Variants in ZNF385D observed in about 807,000 individuals in gnomAD.
ZNF385D encodes zinc finger protein 385D, also known as zinc finger protein 659.
In ZNF385D, 15 loss-of-function variants were observed where a neutral mutation model predicts 35.8. The ratio of observed to expected loss-of-function variants is 0.42; its 90% confidence interval spans 0.28 to 0.64. The LOEUF (loss-of-function observed/expected upper bound fraction) is 0.64. Ranked by LOEUF, ZNF385D falls within the 30% of genes least tolerant of loss-of-function variation. ZNF385D has a pLI of 0.23. For missense variants in ZNF385D, 474 were observed against 494.6 expected, an observed-to-expected ratio of 0.96 and a Z score of 0.39; for synonymous variants, 212 against 186.8, an observed-to-expected ratio of 1.13 and a Z score of -1.10.
At chr3:22,015,131 G>C (rs1237500292) in intron 3 of ZNF385D, among the ~76,000 whole-genome samples, 1 of 151,994 alleles carries the variant, frequency 6.6e-6, no homozygotes, top group Non-Finnish European at 1.5e-5. Flanking sequence ...AATAGAATAA[G>C]ATACTAAAGA....
rs77390729 is a variant in ZNF385D at position 22,162,026 on chromosome 3, T to C, written c.325+6791A>G. ...TAATAAGACTTTGTAAGACTGTTGA[T>C]TGGGATTCAACAAATGATGTATATG... On this transcript the variant is annotated intron_variant, in intron 3 of 5. Coordinates refer to the ZNF385D transcript ENST00000494108. 5.6e-3 allele frequency among the ~76,000 whole-genome samples: 847 copies of C among 152,258 alleles called. 4 individuals carry two copies. The highest frequency in any genetic ancestry group is 0.01 in the Non-Finnish European group (687 of 68,022).
chr3:21,615,817 T>TGTGTGTGTGTGTGTGTGTGTGTG (rs1559462215), intron 2 of ZNF385D, among the ~76,000 whole-genome samples: 1 of 150,434 alleles, frequency 6.6e-6, no homozygotes, highest in Non-Finnish European at 1.5e-5. Context: ...TGTGTGTGTG[T>TGTGTGTGTGTGTGTGTGTGTGTG]TTACTGGTTA....
chr3:22,131,172 A>G (rs945718250), intron 3 of ZNF385D, among the ~76,000 whole-genome samples: 13 of 152,182 alleles, frequency 8.5e-5, no homozygotes, highest in Admixed American at 1.3e-4. Flanking sequence ...CAGCACTCCA[A>G]CATTTAGAAG....
intron 3 of ZNF385D, among the ~76,000 whole-genome samples, chr3:22,032,377 C>T (rs1698051971): frequency 6.6e-6 from 1 of 152,154 alleles, no homozygotes; most frequent in Non-Finnish European, 1.5e-5. Flanking sequence ...CAAGAGAGCA[C>T]ATGTAGAGGA....
chr3:22,106,751 C>T (rs550561493), intron 3 of ZNF385D, among the ~76,000 whole-genome samples: 4 of 152,142 alleles, frequency 2.6e-5, no homozygotes, highest in African/African-American at 7.2e-5. Context: ...CCTCATGTGA[C>T]GCAACTGGAT....
At chr3:21,603,275 G>A (rs1387642716) in intron 2 of ZNF385D, among the ~76,000 whole-genome samples, 1 of 152,222 alleles carries the variant, frequency 6.6e-6, no homozygotes, top group African/African-American at 2.4e-5. Flanking sequence ...CTTATATAAT[G>A]CTGGAAGATA....
At chr3:21,631,164 T>C (rs2065270431) in intron 2 of ZNF385D, among the ~76,000 whole-genome samples, 1 of 152,106 alleles carries the variant, frequency 6.6e-6, no homozygotes, top group African/African-American at 2.4e-5. Flanking sequence ...ATAGAAACTT[T>C]CTGATGACAA....
intron 3 of ZNF385D, among the ~76,000 whole-genome samples, chr3:21,946,217 C>A (rs1701775233): frequency 1.3e-5 from 2 of 152,054 alleles, no homozygotes; most frequent in South Asian, 4.2e-4. Flanking sequence ...TTAACTTAAC[C>A]ATTTCCATCC....
intron 2 of ZNF385D, among the ~76,000 whole-genome samples, chr3:22,197,433 A>C (rs150952283): frequency 1.6e-3 from 246 of 152,072 alleles, no homozygotes; most frequent in African/African-American, 5.5e-3. Context: ...AGCTCATGAA[A>C]TCTCTCCAGC....
chr3:21,663,211 A>G (rs1246463354), intron 2 of ZNF385D, among the ~76,000 whole-genome samples: 1 of 152,210 alleles, frequency 6.6e-6, no homozygotes, highest in African/African-American at 2.4e-5. Flanking sequence ...ATAGCAGCAA[A>G]GAAGGTAAAG....
intron 3 of ZNF385D, among the ~76,000 whole-genome samples, chr3:21,790,056 G>C (rs982392069): frequency 2.0e-5 from 3 of 152,122 alleles, no homozygotes; most frequent in African/African-American, 7.2e-5. Flanking sequence ...AAGATGTAGA[G>C]CATAGCACAT....
At chr3:21,685,552 G>C (rs2067076116) in intron 1 of ZNF385D, among the ~76,000 whole-genome samples, 2 of 152,130 alleles carry the variant, frequency 1.3e-5, no homozygotes. Context: ...CAGACAAGCA[G>C]CACATGCGGT....
At chr3:21,512,945 A>T (rs1345667086) in intron 3 of ZNF385D, among the ~76,000 whole-genome samples, 1 of 152,174 alleles carries the variant, frequency 6.6e-6, no homozygotes, top group African/African-American at 2.4e-5. Flanking sequence ...TTCTCTTTGC[A>T]AGTAACCCTT....
At chr3:22,314,660 T>A (rs1363512730) in intron 2 of ZNF385D, among the ~76,000 whole-genome samples, 1 of 152,146 alleles carries the variant, frequency 6.6e-6, no homozygotes, top group Non-Finnish European at 1.5e-5. Context: ...TATTTAAGAT[T>A]TTCTTTACCC....
chr3:22,108,152 G>C (rs757742085), intron 3 of ZNF385D, among the ~76,000 whole-genome samples: 1 of 151,998 alleles, frequency 6.6e-6, no homozygotes, highest in African/African-American at 2.4e-5. Flanking sequence ...GCAGCATAAA[G>C]TGAACTAAGA....
At chr3:21,671,711 T>G (rs535587015) in intron 1 of ZNF385D, among the ~76,000 whole-genome samples, 3 of 152,098 alleles carry the variant, frequency 2.0e-5, no homozygotes, top group Non-Finnish European at 4.4e-5. Flanking sequence ...TTTGTCAAAT[T>G]AGTTCCGAGA....
intron 1 of ZNF385D, among the ~76,000 whole-genome samples, chr3:21,693,402 C>A (rs1389412436): frequency 3.4e-5 from 2 of 58,202 alleles, no homozygotes; most frequent in African/African-American, 7.7e-5. Context: ...GTCCCACACT[C>A]TTTTATTCTT....
At chr3:21,513,844 A>G (rs549924676) in intron 3 of ZNF385D, among the ~76,000 whole-genome samples, 21 of 152,312 alleles carry the variant, frequency 1.4e-4, no homozygotes, top group South Asian at 6.2e-4. Flanking sequence ...TAGTGACGCC[A>G]TAACTCTAGA....
intron 3 of ZNF385D, among the ~76,000 whole-genome samples, chr3:21,946,609 A>G (rs1559780764): frequency 6.6e-6 from 1 of 152,150 alleles, no homozygotes; most frequent in Non-Finnish European, 1.5e-5. Flanking sequence ...AGGCAAGTGG[A>G]TCACTTGAGC....
Sources: gnomAD v4.1 joint callset for allele counts (sites outside exome capture counted in the v4.1 genomes callset) on GRCh38, gnomAD v4.1.1 for gene constraint, MANE v1.5 for transcripts, NCBI Gene and HGNC (gene_info 2026-07-23, HGNC 2026-07-21) for gene names.